The following INTS6 variants were observed in gnomAD, a reference collection of about 807,000 sequenced individuals.
The protein encoded by INTS6 is DEAD box protein.
Under a neutral mutation model 104.9 loss-of-function variants are expected in INTS6, and 16 were observed. The ratio of observed to expected loss-of-function variants is 0.15; its 90% CI spans 0.10 to 0.23. INTS6 has a LOEUF of 0.23. Ranked by LOEUF, INTS6 falls within the 10% of genes least tolerant of loss-of-function variation. The probability of loss-of-function intolerance (pLI) is 1.00; values close to 1 mark genes in which losing one functional copy is unlikely to be tolerated. For synonymous variants in INTS6, 324 were observed against 358.7 expected, an observed-to-expected ratio of 0.90 and a Z score of 1.09; for missense variants, 584 against 1,062.8, an observed-to-expected ratio of 0.55 and a Z score of 6.26.
downstream of INTS6, among the ~76,000 whole-genome samples, chr13:51,350,883 A>C (rs961288069): frequency 6.6e-6 from 1 of 152,282 alleles, no homozygotes; most frequent in African/African-American, 2.4e-5. Context: ...AAATTATACA[A>C]TTACATATTG....
intron 5 of INTS6, among the ~76,000 whole-genome samples, chr13:51,392,192 C>T (rs1373928713): frequency 1.3e-5 from 2 of 152,206 alleles, no homozygotes; most frequent in African/African-American, 2.4e-5. Flanking sequence ...AGAAATCAGA[C>T]GTCACCTCCC....
chr13:51,344,527 G>C, the INTS6 span: 2 of 1,468,954 alleles, frequency 1.4e-6, no homozygotes, highest in East Asian at 2.5e-5. Context: ...AAGGCAGAGG[G>C]CTGCAGAGAC....
intron 3 of INTS6, among the ~76,000 whole-genome samples, chr13:51,435,175 C>A (rs746721923): frequency 3.3e-5 from 5 of 151,740 alleles, no homozygotes; most frequent in Non-Finnish European, 1.5e-5. Context: ...ACAAAGACAG[C>A]CAGTAGAGGG....
intron 4 of INTS6, among the ~76,000 whole-genome samples, chr13:51,411,507 C>T (rs1326919703): frequency 1.3e-5 from 2 of 150,536 alleles, no homozygotes; most frequent in Non-Finnish European, 3.0e-5. Flanking sequence ...GAGCTGAGAT[C>T]GTGCCGTTGC....
intron 15 of INTS6, among the ~76,000 whole-genome samples, chr13:51,370,670 AG>A (rs1171558006): frequency 9.9e-5 from 15 of 152,226 alleles, no homozygotes; most frequent in African/African-American, 3.6e-4. Flanking sequence ...TGCACGGCCC[AG>A]TGGCAGCAGG....
intron 4 of INTS6, among the ~76,000 whole-genome samples, chr13:51,422,373 T>C (rs1035861224): frequency 6.6e-6 from 1 of 152,204 alleles, no homozygotes; most frequent in Non-Finnish European, 1.5e-5. Context: ...TGCACACAGA[T>C]GGACAATGTG....
the INTS6 span, chr13:51,341,113 C>T: frequency 6.2e-7 from 1 of 1,613,996 alleles, no homozygotes; most frequent in South Asian, 1.1e-5. Context: ...CCTGATCACC[C>T]TCTTCCTCTT....
At chr13:51,411,291 C>G (rs1593726721) in intron 4 of INTS6, among the ~76,000 whole-genome samples, 1 of 151,608 alleles carries the variant, frequency 6.6e-6, no homozygotes, top group East Asian at 1.9e-4. Context: ...CAGTGGCTCA[C>G]GCCTGTAATC....
intron 4 of INTS6, among the ~76,000 whole-genome samples, chr13:51,405,852 C>A (rs540010765): frequency 1.1e-4 from 17 of 152,144 alleles, no homozygotes; most frequent in Non-Finnish European, 2.2e-4. Flanking sequence ...AACAAACTCA[C>A]AAATTCTTAA....
In INTS6 at chr13:51,379,522, G is replaced by C; in HGVS notation, c.1326C>G (p.Asp442Glu). The C allele has an allele frequency of 6.2e-7, 1 of 1,604,970 alleles. No homozygotes were observed. Among genetic ancestry groups the C allele is most frequent in the Non-Finnish European group, 8.5e-7 (1 of 1,175,438 alleles). Residue 442 changes from aspartate to glutamate, a missense_variant, in exon 11 of 18, where the codon GAC becomes GAG. Physicochemically the swap from Asp to Glu is conservative, Grantham distance 45. Coordinates refer to ENST00000311234, the MANE Select transcript of INTS6 (RefSeq NM_012141.3). ...RMMGAPNLIA[D>E]SMEYGLSYSV... ...TGTAACTAAGTCCATATTCCATACT[G>C]TCTGCTATTAGGTTAGGTGCTCCCA...
At chr13:51,334,618 T>C in the INTS6 span, among the ~76,000 whole-genome samples, 1 of 152,192 alleles carries the variant, frequency 6.6e-6, no homozygotes, top group Admixed American at 6.5e-5. Context: ...CGAGAATTAA[T>C]AAACGTTTTT....
rs1299369252 is a variant in INTS6, at chr13:51,363,502, C to G, written c.*2250G>C. Reference sequence around the variant, plus strand: ...ATCAGCAAATGAGAAACATGGGAGACATTAAAAAAAAAGATTTGAAAACCT... The same window carrying G: ...ATCAGCAAATGAGAAACATGGGAGAGATTAAAAAAAAAGATTTGAAAACCT... On this transcript the variant is annotated 3_prime_UTR_variant, in exon 18 of 18. Transcript: ENST00000311234. 6.6e-6 allele frequency: 1 copy of G among 151,318 alleles called. No individual in the cohort carries two copies. The highest frequency in any genetic ancestry group is 6.6e-5 in the Admixed American group (1 of 15,158). 9.4% of individuals were successfully genotyped at this position (151,318 alleles called of 1,614,324 possible).
chr13:51,405,839 T>C (rs1289994966), intron 4 of INTS6, among the ~76,000 whole-genome samples: 1 of 152,206 alleles, frequency 6.6e-6, no homozygotes, highest in Non-Finnish European at 1.5e-5. Flanking sequence ...CTGGGGCTTA[T>C]GTAACAAACT....
chr13:51,391,046 T>C (rs995725621), intron 5 of INTS6, among the ~76,000 whole-genome samples: 2 of 152,142 alleles, frequency 1.3e-5, no homozygotes, highest in African/African-American at 4.8e-5. Flanking sequence ...AAATCCTCTG[T>C]GAATTTGAAA....
At chr13:51,420,424 C>G (rs1213919257) in intron 4 of INTS6, among the ~76,000 whole-genome samples, 1 of 150,916 alleles carries the variant, frequency 6.6e-6, no homozygotes, top group East Asian at 1.9e-4. Flanking sequence ...ACATGAATAA[C>G]TGAGTTCTGT....
At chr13:51,340,272 T>G in the INTS6 span, among the ~76,000 whole-genome samples, 1 of 152,156 alleles carries the variant, frequency 6.6e-6, no homozygotes, top group African/African-American at 2.4e-5. Flanking sequence ...GTTGAAAACA[T>G]TTTTTTACTT....
At chr13:51,341,420 T>C in the INTS6 span, 2 of 1,372,150 alleles carry the variant, frequency 1.5e-6, no homozygotes, top group Admixed American at 4.1e-5. Context: ...CTCACCCTCC[T>C]GCTCACACTC....
At chr13:51,449,731 G>A in intron 3 of INTS6, 1 of 985,244 alleles carries the variant, frequency 1.0e-6, no homozygotes, top group Non-Finnish European at 1.2e-6. Flanking sequence ...TAAAAGAGAA[G>A]GAAATCCACT....
At chr13:51,408,042 C>T (rs949738431) in intron 4 of INTS6, among the ~76,000 whole-genome samples, 6 of 147,846 alleles carry the variant, frequency 4.1e-5, no homozygotes, top group African/African-American at 1.5e-4. Context: ...AGTACAATAA[C>T]ATTTTCAATG....
Sources: gnomAD v4.1 joint callset for allele counts (sites outside exome capture counted in the v4.1 genomes callset) on GRCh38, gnomAD v4.1.1 for gene constraint, MANE v1.5 for transcripts, NCBI Gene and HGNC (gene_info 2026-07-23, HGNC 2026-07-21) for gene names.